The following TPST1 variants were observed in gnomAD, a reference collection of about 807,000 sequenced individuals.
TPST1 encodes the protein protein-tyrosine sulfotransferase 1.
A neutral mutation model predicts 34.8 loss-of-function variants in TPST1; 20 were observed. The ratio of observed to expected loss-of-function variants is 0.57; its 90% CI spans 0.40 to 0.84. The LOEUF is 0.84. Ranked by LOEUF, TPST1 falls within the 40% of genes least tolerant of loss-of-function variation. The pLI, the probability that TPST1 is intolerant of heterozygous loss-of-function variation, is 0.00. For synonymous variants in TPST1, 152 were observed against 159.4 expected (o/e 0.95, Z 0.35); for missense variants, 353 against 455.5 (o/e 0.78, Z 2.05).
chr7:66,352,778 C>A, intron 4 of TPST1: 2 of 985,364 alleles, frequency 2.0e-6, no homozygotes. Flanking sequence ...CTCAGTGTCT[C>A]CCAAAACCAG....
At chr7:66,261,658 A>T (rs1265021895) in intron 2 of TPST1, among the ~76,000 whole-genome samples, 3 of 152,148 alleles carry the variant, frequency 2.0e-5, no homozygotes, top group African/African-American at 2.4e-5. Flanking sequence ...AATATATTTA[A>T]TACATGTATT....
intron 2 of TPST1, among the ~76,000 whole-genome samples, chr7:66,263,882 A>G (rs902495247): frequency 6.6e-6 from 1 of 152,228 alleles, no homozygotes; most frequent in Non-Finnish European, 1.5e-5. Context: ...TCAGAACTCT[A>G]GAAATTAACC....
chr7:66,234,783 TCTC>T (rs1789877077), intron 1 of TPST1, among the ~76,000 whole-genome samples: 1 of 150,586 alleles, frequency 6.6e-6, no homozygotes, highest in Non-Finnish European at 1.5e-5. Context: ...TTCATGCCAT[TCTC>T]CTGCCTCAGC....
At chr7:66,323,169 C>T (rs1356314015) in intron 3 of TPST1, among the ~76,000 whole-genome samples, 1 of 152,116 alleles carries the variant, frequency 6.6e-6, no homozygotes, top group Non-Finnish European at 1.5e-5. Context: ...ATAGCAGATA[C>T]ATGACTTGCA....
At chr7:66,303,607 A>C (rs372476451) in intron 3 of TPST1, among the ~76,000 whole-genome samples, 11 of 152,120 alleles carry the variant, frequency 7.2e-5, no homozygotes, top group African/African-American at 2.6e-4. Flanking sequence ...ACAGGGTTTC[A>C]CCAAGTTGCC....
At chr7:66,334,644 A>G (rs1041223273) in intron 3 of TPST1, among the ~76,000 whole-genome samples, 1 of 151,650 alleles carries the variant, frequency 6.6e-6, no homozygotes, top group Admixed American at 6.6e-5. Context: ...TCAAAAAAAA[A>G]AAAAAAAGTA....
At chr7:66,337,353 G>T (rs1792141799) in intron 3 of TPST1, among the ~76,000 whole-genome samples, 1 of 130,708 alleles carries the variant, frequency 7.7e-6, no homozygotes, top group Non-Finnish European at 1.5e-5. Flanking sequence ...TGTCACTCAA[G>T]CTGGAGAGTG....
intron 2 of TPST1, among the ~76,000 whole-genome samples, chr7:66,286,273 A>G (rs1322230111): frequency 6.6e-6 from 1 of 152,128 alleles, no homozygotes; most frequent in African/African-American, 2.4e-5. Context: ...AATAATGCAC[A>G]TGTTTCAGCT....
chr7:66,248,236 C>T (rs941243442), intron 2 of TPST1, among the ~76,000 whole-genome samples: 6 of 152,030 alleles, frequency 3.9e-5, no homozygotes, highest in African/African-American at 1.2e-4. Flanking sequence ...CAGTTGCCTT[C>T]AGACTTCTCT....
chr7:66,208,458 C>A (rs1429396511), intron 1 of TPST1, among the ~76,000 whole-genome samples: 1 of 152,004 alleles, frequency 6.6e-6, no homozygotes, highest in African/African-American at 2.4e-5. Context: ...TCCATTTTTA[C>A]CACTTATACC....
chr7:66,283,582 A>G (rs1404522863), intron 2 of TPST1, among the ~76,000 whole-genome samples: 5 of 152,204 alleles, frequency 3.3e-5, no homozygotes, highest in African/African-American at 1.2e-4. Context: ...CAGATTTCAC[A>G]TGATTTTCAT....
intron 3 of TPST1, among the ~76,000 whole-genome samples, chr7:66,302,793 G>A (rs1348088608): frequency 6.6e-6 from 1 of 152,198 alleles, no homozygotes; most frequent in Non-Finnish European, 1.5e-5. Context: ...TTTATCTGGT[G>A]TTTTCTTGTT....
chr7:66,221,132 T>TA (rs546112446), intron 1 of TPST1, among the ~76,000 whole-genome samples: 30,480 of 140,526 alleles, frequency 0.22, 3,522 homozygotes, highest in East Asian at 0.36. Flanking sequence ...GACTCCGTCT[T>TA]AAAAAAAAAA....
At chr7:66,357,267 A>G (rs191565862) in intron 5 of TPST1, among the ~76,000 whole-genome samples, 9 of 152,316 alleles carry the variant, frequency 5.9e-5, no homozygotes, top group East Asian at 5.8e-4. Context: ...TGTCAGGACC[A>G]TAGTCCATAG....
At chr7:66,278,657 G>A (rs1188388860) in intron 2 of TPST1, among the ~76,000 whole-genome samples, 15 of 152,114 alleles carry the variant, frequency 9.9e-5, no homozygotes, top group African/African-American at 3.6e-4. Flanking sequence ...GGTGGCGGGC[G>A]CCTGTAGTCC....
At chr7:66,317,830 A>C (rs1028110772) in intron 3 of TPST1, among the ~76,000 whole-genome samples, 2 of 152,148 alleles carry the variant, frequency 1.3e-5, no homozygotes, top group African/African-American at 4.8e-5. Flanking sequence ...ATTATTTTAG[A>C]CATTACACAT....
intron 3 of TPST1, among the ~76,000 whole-genome samples, chr7:66,325,530 G>T (rs1315350662): frequency 6.6e-6 from 1 of 151,682 alleles, no homozygotes; most frequent in Non-Finnish European, 1.5e-5. Flanking sequence ...TGTTGCCTAG[G>T]CTGGTCTCGA....
intron 4 of TPST1, chr7:66,352,794 T>C: frequency 1.0e-6 from 1 of 985,412 alleles, no homozygotes; most frequent in Non-Finnish European, 1.2e-6. Flanking sequence ...ACCAGGGAAA[T>C]ACTTTATTGA....
intron 4 of TPST1, chr7:66,353,055 C>T: frequency 1.0e-6 from 1 of 966,984 alleles, no homozygotes; most frequent in Non-Finnish European, 1.2e-6. Context: ...TGGCTCATGC[C>T]TGTAATCCCA....
Sources: allele counts gnomAD v4.1 joint callset (sites outside exome capture counted in the v4.1 genomes callset), GRCh38; gene constraint gnomAD v4.1.1; transcripts MANE v1.5; gene names NCBI Gene and HGNC (gene_info 2026-07-23, HGNC 2026-07-21).